Variants in PRKCA observed in about 807,000 individuals in gnomAD.
PRKCA encodes the protein protein kinase C alpha.
A neutral mutation model predicts 87.0 loss-of-function variants in PRKCA; 27 were observed. The ratio of observed to expected loss-of-function variants is 0.31; its 90% CI spans 0.23 to 0.43. The LOEUF (loss-of-function observed/expected upper bound fraction) is 0.43, where lower values mean the gene tolerates loss of function less well. Among genes scored for constraint, PRKCA ranks in the 20% least tolerant of loss-of-function variants. The pLI is 1.00. For missense variants in PRKCA, 518 were observed against 852.3 expected, an observed-to-expected ratio of 0.61 and a Z score of 4.88; for synonymous variants, 329 against 311.1, an observed-to-expected ratio of 1.06 and a Z score of -0.61.
rs894028143 is a variant in PRKCA at position 66,810,078 on chromosome 17, G to A, written c.*6041G>A. The A allele has an allele frequency of 6.6e-6, 1 of 152,176 alleles. No homozygotes were observed. The highest frequency in any genetic ancestry group is 2.4e-5 in the African/African-American group (1 of 41,430). 9.4% of individuals were successfully genotyped at this position (152,176 alleles called of 1,614,324 possible). ...CCACTTACGCGAGTAGACAGAACTC[G>A]GCTTTTCAGAAAATAGGTGTCAAGT... On this transcript the variant is annotated 3_prime_UTR_variant, in exon 17 of 17. Transcript: ENST00000413366.
In PRKCA at chr17:66,625,373, A is replaced by G. The variant is rs536108490; in HGVS notation, c.289-15982A>G. Among the ~76,000 whole-genome samples, 23 of 152,344 alleles carry G rather than the reference A, an allele frequency of 1.5e-4. No homozygotes were observed. The South Asian group carries it at 3.7e-3, about 25-fold the overall frequency. Reference sequence around the variant, plus strand: ...ACAAATTCATCAGAAGTGCAATGACAACAGGGTTCCTCTCTACTCTGCTGG... The same window carrying G: ...ACAAATTCATCAGAAGTGCAATGACGACAGGGTTCCTCTCTACTCTGCTGG... On this transcript the variant is annotated intron_variant, in intron 3 of 16. Transcript: ENST00000413366.
At chr17:66,706,264 A>T (rs978697731) in intron 8 of PRKCA, among the ~76,000 whole-genome samples, 1 of 152,180 alleles carries the variant, frequency 6.6e-6, no homozygotes, top group Admixed American at 6.5e-5. Context: ...CCCAGTACCC[A>T]TATTAAATAG....
chr17:66,333,868 G>A (rs1370664965), intron 2 of PRKCA, among the ~76,000 whole-genome samples: 1 of 152,182 alleles, frequency 6.6e-6, no homozygotes, highest in Non-Finnish European at 1.5e-5. Context: ...TTAAAAAAAT[G>A]TGTTTCACTG....
At chr17:66,417,236 T>C (rs1191326574) in intron 2 of PRKCA, among the ~76,000 whole-genome samples, 2 of 151,958 alleles carry the variant, frequency 1.3e-5, no homozygotes, top group Non-Finnish European at 2.9e-5. Flanking sequence ...AAAAGATTAA[T>C]TGAAAATTAT....
chr17:66,749,846 G>A (rs918389834), intron 13 of PRKCA, among the ~76,000 whole-genome samples: 1 of 152,064 alleles, frequency 6.6e-6, no homozygotes, highest in Non-Finnish European at 1.5e-5. Flanking sequence ...ACAGGTGTTG[G>A]GCTGATGGTA....
intron 3 of PRKCA, among the ~76,000 whole-genome samples, chr17:66,518,657 C>T (rs1431725889): frequency 6.6e-6 from 1 of 152,026 alleles, no homozygotes. Context: ...CTGAATCGGT[C>T]CCTATTAGAC....
intron 2 of PRKCA, among the ~76,000 whole-genome samples, chr17:66,458,578 T>A (rs1914688620): frequency 6.6e-6 from 1 of 152,050 alleles, no homozygotes; most frequent in African/African-American, 2.4e-5. Flanking sequence ...CTTCCTGGGC[T>A]CAAGCAATCC....
intron 2 of PRKCA, among the ~76,000 whole-genome samples, chr17:66,490,291 A>G (rs191159507): frequency 7.2e-5 from 11 of 151,956 alleles, no homozygotes; most frequent in Admixed American, 7.2e-4. Flanking sequence ...TGTCAGTGGC[A>G]TTAAGTACCT....
chr17:66,646,620 A>C (rs926269477), intron 5 of PRKCA, among the ~76,000 whole-genome samples: 2 of 152,222 alleles, frequency 1.3e-5, no homozygotes, highest in African/African-American at 4.8e-5. Context: ...ATAACAGAAA[A>C]CATCATAGAA....
At chr17:66,734,526 G>A (rs1337992629) in intron 9 of PRKCA, among the ~76,000 whole-genome samples, 1 of 152,150 alleles carries the variant, frequency 6.6e-6, no homozygotes, top group African/African-American at 2.4e-5. Context: ...GAGCAATGAG[G>A]GTAGCCAGAG....
chr17:66,308,476 C>G lies in PRKCA; in HGVS notation c.205+2349C>G, dbSNP rs183893537. ...CCTAATATTTGAAACTCTGGATTTA[C>G]AAACCAGACAAATTAGAGAAGTGAC... On this transcript the variant is annotated intron_variant, in intron 2 of 16. Transcript: ENST00000413366. 1.1e-4 allele frequency among the ~76,000 whole-genome samples: 17 copies of G among 152,194 alleles called. No individual in the cohort carries two copies. The East Asian group carries it at 3.3e-3, about 29-fold the overall frequency.
chr17:66,750,446 C>G (rs144803385), intron 13 of PRKCA, among the ~76,000 whole-genome samples: 1 of 152,084 alleles, frequency 6.6e-6, no homozygotes, highest in Non-Finnish European at 1.5e-5. Context: ...TTAAGTTGTG[C>G]GATTCTCAGA....
chr17:66,474,293 A>G (rs1048340776), intron 2 of PRKCA, among the ~76,000 whole-genome samples: 3 of 152,298 alleles, frequency 2.0e-5, no homozygotes, highest in Admixed American at 1.3e-4. Context: ...GTTTTCTTGT[A>G]TATGTGCATG....
intron 3 of PRKCA, among the ~76,000 whole-genome samples, chr17:66,544,148 C>T (rs191364728): frequency 1.8e-4 from 28 of 152,104 alleles, no homozygotes; most frequent in Middle Eastern, 3.4e-3. Context: ...CGCTGGAACC[C>T]GGGAGGTGGA....
intron 3 of PRKCA, among the ~76,000 whole-genome samples, chr17:66,501,868 G>C (rs1475476495): frequency 6.6e-6 from 1 of 152,192 alleles, no homozygotes; most frequent in Non-Finnish European, 1.5e-5. Context: ...GCTTTGCTCT[G>C]CTGAAGGGCA....
intron 2 of PRKCA, among the ~76,000 whole-genome samples, chr17:66,386,424 T>C (rs567342889): frequency 6.6e-6 from 1 of 152,354 alleles, no homozygotes; most frequent in East Asian, 1.9e-4. Context: ...ATTTGAATCT[T>C]GGCTCCAGCA....
intron 3 of PRKCA, among the ~76,000 whole-genome samples, chr17:66,534,452 G>A (rs997881810): frequency 9.2e-5 from 14 of 152,100 alleles, no homozygotes; most frequent in Non-Finnish European, 1.6e-4. Flanking sequence ...CGGATCACGA[G>A]GTCAAGAGAT....
At chr17:66,774,250 A>T in intron 14 of PRKCA, 183 bp downstream of exon 14, 1 of 1,444,416 alleles carries the variant, frequency 6.9e-7, no homozygotes, top group Non-Finnish European at 9.1e-7. Flanking sequence ...GTATGCACAG[A>T]AATTATCTCT....
intron 3 of PRKCA, among the ~76,000 whole-genome samples, chr17:66,571,215 C>T (rs1327582362): frequency 6.6e-6 from 1 of 152,210 alleles, no homozygotes; most frequent in Non-Finnish European, 1.5e-5. Flanking sequence ...TTTTCCCATT[C>T]CTAATCCCTA....
Sources: allele counts gnomAD v4.1 joint callset (sites outside exome capture counted in the v4.1 genomes callset), GRCh38; gene constraint gnomAD v4.1.1; transcripts MANE v1.5; gene names NCBI Gene and HGNC (gene_info 2026-07-23, HGNC 2026-07-21).